The following ERICH6 variants were observed in gnomAD, a reference collection of about 807,000 sequenced individuals.
ERICH6 encodes the protein glutamate rich 6, also known as glutamate-rich protein 6.
Under a neutral mutation model 71.0 loss-of-function variants are expected in ERICH6, and 71 were observed. The observed-to-expected ratio is 1.00, with a 90% CI of 0.83 to 1.22. ERICH6 has a LOEUF of 1.22. Ranked by LOEUF, ERICH6 falls within the 50% of genes most tolerant of loss-of-function variation. The pLI is 0.00. For missense variants in ERICH6, 808 were observed against 797.2 expected (o/e 1.01, Z -0.16); for synonymous variants, 262 against 278.4 (o/e 0.94, Z 0.59).
At chr3:150,672,073 T>C (rs967807963) in intron 11 of ERICH6, among the ~76,000 whole-genome samples, 1 of 152,060 alleles carries the variant, frequency 6.6e-6, no homozygotes, top group Non-Finnish European at 1.5e-5. Flanking sequence ...TTAAATGAAT[T>C]ATAGTACATC....
chr3:150,675,697 A>G (rs1164811173), intron 10 of ERICH6, among the ~76,000 whole-genome samples: 1 of 146,754 alleles, frequency 6.8e-6, no homozygotes, highest in Non-Finnish European at 1.5e-5. Flanking sequence ...AGAATTCTAG[A>G]TTGGCCATTG....
intron 13 of ERICH6, among the ~76,000 whole-genome samples, chr3:150,665,647 T>C (rs1727385936): frequency 6.6e-6 from 1 of 151,152 alleles, no homozygotes; most frequent in Admixed American, 6.6e-5. Context: ...GCCAACATGG[T>C]GAAACCCTGT....
At chr3:150,686,468 T>A in intron 3 of ERICH6, 114 bp from the exon 4 acceptor site, 1 of 866,174 alleles carries the variant, frequency 1.2e-6, no homozygotes, top group Admixed American at 2.6e-5. Context: ...TCTTTTATCT[T>A]TTAATCTTTT....
At chr3:150,674,988 T>C (rs571043609) in intron 10 of ERICH6, among the ~76,000 whole-genome samples, 20 of 152,054 alleles carry the variant, frequency 1.3e-4, no homozygotes, top group Non-Finnish European at 2.2e-4. Flanking sequence ...GAAAAATTAG[T>C]TGGGCGTGGT....
At chr3:150,681,459 C>T (rs559873903) in intron 7 of ERICH6, among the ~76,000 whole-genome samples, 17 of 152,216 alleles carry the variant, frequency 1.1e-4, no homozygotes, top group African/African-American at 4.1e-4. Context: ...GATGGACAGT[C>T]GGGTTGTTTC....
At position 150,679,670 on chromosome 3, in the gene ERICH6, T is replaced by C. The variant is rs189322591; in HGVS notation, c.1111+798A>G. On this transcript the variant is annotated intron_variant, in intron 9 of 13. Coordinates refer to ENST00000295910, the MANE Select transcript of ERICH6 (RefSeq NM_152394.5). ...TATATGAAGAAAATAAGCTGACTTT[T>C]TTTTTTTGAGACAGTTTTTCTTTTG... Among the ~76,000 whole-genome samples, 196 of 152,304 alleles carry C rather than the reference T, an allele frequency of 1.3e-3. 2 individuals are homozygous for C. The Middle Eastern group carries it at 0.014, about 11-fold the overall frequency.
chr3:150,702,942 G>T (rs1247138809), intron 1 of ERICH6, among the ~76,000 whole-genome samples: 1 of 129,660 alleles, frequency 7.7e-6, no homozygotes, highest in Non-Finnish European at 1.6e-5. Context: ...GAGGGAGAGA[G>T]AAAGAGAGGG....
intron 11 of ERICH6, among the ~76,000 whole-genome samples, chr3:150,670,915 A>G (rs1462581550): frequency 6.6e-6 from 1 of 152,186 alleles, no homozygotes; most frequent in Non-Finnish European, 1.5e-5. Context: ...AAGAAAGTTA[A>G]GAGGAATAAA....
rs781180153 is a variant in ERICH6 at position 150,702,212 on chromosome 3, C to T, written c.404-34G>A. The T allele has an allele frequency of 6.9e-6, 10 of 1,443,020 alleles. No homozygotes were observed. The Admixed American group carries it at 1.3e-4, about 19-fold the overall frequency. 89.4% of individuals were successfully genotyped at this position (1,443,020 alleles called of 1,614,324 possible). The stretch of plus-strand genomic sequence containing the variant: ...TGAAACATTTAAAAATCAGCTATTC[C>T]CTCTAAATCAAAAGGTCAATTCTAC... On this transcript the variant is annotated intron_variant, in intron 1 of 13. Transcript: ENST00000295910.
chr3:150,663,788 T>C (rs951968245), intron 13 of ERICH6, among the ~76,000 whole-genome samples: 4 of 152,112 alleles, frequency 2.6e-5, no homozygotes, highest in Non-Finnish European at 4.4e-5. Flanking sequence ...TGTGTTTTTT[T>C]TCATGCCCCC....
chr3:150,685,164 G>A (rs564882007), intron 6 of ERICH6, among the ~76,000 whole-genome samples: 1 of 152,232 alleles, frequency 6.6e-6, no homozygotes, highest in East Asian at 1.9e-4. Flanking sequence ...CACTCTTACA[G>A]GTTGAATTGT....
chr3:150,664,370 T>C (rs917683935), intron 13 of ERICH6, among the ~76,000 whole-genome samples: 11 of 152,170 alleles, frequency 7.2e-5, no homozygotes, highest in Admixed American at 5.9e-4. Context: ...TAAAATAGGC[T>C]GGGCACGGTG....
At chr3:150,665,709 C>T (rs1727389403) in intron 13 of ERICH6, among the ~76,000 whole-genome samples, 1 of 150,880 alleles carries the variant, frequency 6.6e-6, no homozygotes, top group South Asian at 2.1e-4. Context: ...CGCCTGTAGT[C>T]CCAGCTACTC....
chr3:150,681,043 G>T, intron 7 of ERICH6, 113 bp from the exon 8 acceptor site: 1 of 1,085,834 alleles, frequency 9.2e-7, no homozygotes, highest in South Asian at 2.1e-5. Context: ...TTTTATTCTG[G>T]TAATAGCTTT....
chr3:150,693,956 G>A (rs1339980038), intron 3 of ERICH6, among the ~76,000 whole-genome samples: 1 of 152,102 alleles, frequency 6.6e-6, no homozygotes, highest in African/African-American at 2.4e-5. Context: ...GCAAACTGAA[G>A]CTAGAAAACT....
chr3:150,693,392 T>C (rs1296129425), intron 3 of ERICH6, among the ~76,000 whole-genome samples: 1 of 152,136 alleles, frequency 6.6e-6, no homozygotes, highest in Non-Finnish European at 1.5e-5. Context: ...GTCCATACAG[T>C]CCCTGTACAG....
chr3:150,663,216 A>G (rs1258847248), intron 13 of ERICH6, among the ~76,000 whole-genome samples: 2 of 152,172 alleles, frequency 1.3e-5, no homozygotes, highest in Non-Finnish European at 2.9e-5. Context: ...CAAGAGATGG[A>G]TCAGGTAAAG....
chr3:150,686,795 C>G (rs1213604102), intron 3 of ERICH6, among the ~76,000 whole-genome samples: 1 of 152,186 alleles, frequency 6.6e-6, no homozygotes, highest in African/African-American at 2.4e-5. Context: ...TTTACCTTTT[C>G]ACTTAAAGGA....
chr3:150,669,823 C>T (rs1711497481), intron 11 of ERICH6, among the ~76,000 whole-genome samples: 1 of 152,096 alleles, frequency 6.6e-6, no homozygotes, highest in Non-Finnish European at 1.5e-5. Flanking sequence ...AAGTTTCAGC[C>T]CTCTTAATAA....
Sources: allele counts gnomAD v4.1 joint callset (sites outside exome capture counted in the v4.1 genomes callset), GRCh38; gene constraint gnomAD v4.1.1; transcripts MANE v1.5; gene names NCBI Gene and HGNC (gene_info 2026-07-23, HGNC 2026-07-21).